CNTN4: variants seen among roughly 807,000 people sequenced by gnomAD.
CNTN4 encodes contactin 4.
Under a neutral mutation model 122.5 loss-of-function variants are expected in CNTN4, and 77 were observed. The observed-to-expected ratio is 0.63, with a 90% CI of 0.52 to 0.76. The LOEUF is 0.76. CNTN4 is among the 30% of genes least tolerant of loss of function. CNTN4 has a pLI of 0.00. For synonymous variants in CNTN4, 512 were observed against 447.0 expected (o/e 1.15, Z -1.83); for missense variants, 1,256 against 1,259.1 (o/e 1.00, Z 0.04).
chr3:2,862,163 G>A (rs115234879), intron 7 of CNTN4, among the ~76,000 whole-genome samples: 237 of 152,320 alleles, frequency 1.6e-3, no homozygotes, highest in Middle Eastern at 6.8e-3. Flanking sequence ...TTTGAAAACT[G>A]ACATCTTTGC....
chr3:2,274,142 C>T (rs1468949741), intron 2 of CNTN4, among the ~76,000 whole-genome samples: 2 of 151,966 alleles, frequency 1.3e-5, no homozygotes, highest in African/African-American at 2.4e-5. Flanking sequence ...CAGCACTTTG[C>T]GAGGCCGAGG....
At chr3:2,612,582 C>T (rs1214131999) in intron 4 of CNTN4, among the ~76,000 whole-genome samples, 3 of 151,876 alleles carry the variant, frequency 2.0e-5, no homozygotes, top group African/African-American at 4.8e-5. Flanking sequence ...CATTATTATC[C>T]CTATGAGAAT....
intron 2 of CNTN4, among the ~76,000 whole-genome samples, chr3:2,121,553 A>G (rs951850191): frequency 5.3e-5 from 8 of 151,940 alleles, no homozygotes; most frequent in African/African-American, 1.7e-4. Context: ...CTCCAGTCCT[A>G]TAGAATTGTA....
At chr3:2,756,925 G>A (rs1342129711) in intron 6 of CNTN4, among the ~76,000 whole-genome samples, 2 of 152,062 alleles carry the variant, frequency 1.3e-5, no homozygotes, top group East Asian at 3.9e-4. Context: ...TCAATCTGTG[G>A]TAACTTGTTT....
At chr3:2,404,091 T>C (rs1216313357) in intron 3 of CNTN4, among the ~76,000 whole-genome samples, 1 of 152,182 alleles carries the variant, frequency 6.6e-6, no homozygotes, top group Non-Finnish European at 1.5e-5. Context: ...TGAAAAGAAT[T>C]GTTTCATTTC....
At chr3:3,006,156 A>G (rs139060260) in intron 14 of CNTN4, among the ~76,000 whole-genome samples, 1,761 of 152,190 alleles carry the variant, frequency 0.012, 11 homozygotes, top group South Asian at 0.032. Context: ...GATTACAGGC[A>G]TGAGCCACCG....
At chr3:2,275,837 G>A (rs943452518) in intron 2 of CNTN4, among the ~76,000 whole-genome samples, 10 of 148,878 alleles carry the variant, frequency 6.7e-5, no homozygotes, top group African/African-American at 2.5e-4. Flanking sequence ...GGAGAATCAC[G>A]TGAACCTGGG....
intron 4 of CNTN4, among the ~76,000 whole-genome samples, chr3:2,626,812 T>A (rs929771785): frequency 5.9e-5 from 9 of 152,212 alleles, no homozygotes; most frequent in Admixed American, 3.9e-4. Flanking sequence ...CTGTACTAGA[T>A]GCTAGAGATA....
At chr3:2,862,837 G>A (rs1275337241) in intron 7 of CNTN4, among the ~76,000 whole-genome samples, 1 of 152,086 alleles carries the variant, frequency 6.6e-6, no homozygotes, top group African/African-American at 2.4e-5. Flanking sequence ...GTTTTGCTCT[G>A]ATAAAAACAG....
At chr3:2,846,103 C>G (rs74581246) in intron 7 of CNTN4, among the ~76,000 whole-genome samples, 12,201 of 152,146 alleles carry the variant, frequency 0.08, 554 homozygotes, top group Non-Finnish European at 0.1. Context: ...TTTTACAATG[C>G]TAATAAGATT....
At chr3:2,557,552 C>G (rs1274329659) in intron 3 of CNTN4, among the ~76,000 whole-genome samples, 1 of 151,960 alleles carries the variant, frequency 6.6e-6, no homozygotes, top group Non-Finnish European at 1.5e-5. Context: ...ACGGTGAAAC[C>G]CCATCTCTAC....
In CNTN4 at chr3:2,723,234, C is replaced by T. The variant is rs565672986; in HGVS notation, c.56-12981C>T. Among the ~76,000 whole-genome samples the T allele has an allele frequency of 1.1e-3, 172 of 152,222 alleles. No individual in the cohort carries two copies. The Middle Eastern group carries it at 0.014, about 12-fold the overall frequency. ...TGGTGAGAGCTCCATCACTGCGTAT[C>T]TGTGTGACTTTGGATACACCACCTA... On this transcript the variant is annotated intron_variant, in intron 4 of 24. Transcript: ENST00000418658.
chr3:2,160,375 T>C (rs77409271), intron 2 of CNTN4, among the ~76,000 whole-genome samples: 35,271 of 152,064 alleles, frequency 0.23, 4,854 homozygotes, highest in Non-Finnish European at 0.33. Flanking sequence ...TTAAGAGGTA[T>C]AAGGATCCAG....
In CNTN4 at chr3:3,030,976, G is replaced by T; in HGVS notation, c.1783+1G>T. 1 of 1,614,004 alleles carries T rather than the reference G, an allele frequency of 6.2e-7. No individual in the cohort carries two copies. On this transcript the variant is annotated splice_donor_variant, in intron 16 of 24. Transcript: ENST00000418658. LOFTEE classifies it high-confidence loss of function. ...GCTGCTGCAGACCTGATTGTAAGAGGTACTGGATTTTGTTGTTATTGTTGT... is the reference window on the plus strand; with the variant it reads ...GCTGCTGCAGACCTGATTGTAAGAGTTACTGGATTTTGTTGTTATTGTTGT...
At chr3:2,362,519 T>C in intron 3 of CNTN4, 2 of 586,564 alleles carry the variant, frequency 3.4e-6, no homozygotes, top group Non-Finnish European at 6.4e-6. Flanking sequence ...CCTGTGCACT[T>C]TCTGGTCATT....
chr3:2,832,987 T>C (rs1368484488), intron 7 of CNTN4, among the ~76,000 whole-genome samples: 1 of 152,156 alleles, frequency 6.6e-6, no homozygotes, highest in Non-Finnish European at 1.5e-5. Context: ...TACACTATCA[T>C]GATGACTTGA....
At chr3:2,538,371 C>T (rs1559207284) in intron 3 of CNTN4, among the ~76,000 whole-genome samples, 1 of 152,088 alleles carries the variant, frequency 6.6e-6, no homozygotes, top group Admixed American at 6.6e-5. Context: ...ATGGAGTAAA[C>T]TCTGGGATTA....
chr3:2,705,657 T>A (rs1484393803), intron 4 of CNTN4, among the ~76,000 whole-genome samples: 1 of 86,280 alleles, frequency 1.2e-5, no homozygotes, highest in Non-Finnish European at 2.0e-5. Context: ...AAAAAGTATA[T>A]TATATATATT....
chr3:2,978,480 C>A (rs889455270), intron 13 of CNTN4, among the ~76,000 whole-genome samples: 7 of 152,256 alleles, frequency 4.6e-5, no homozygotes, highest in Admixed American at 3.9e-4. Flanking sequence ...CCCGTCTCCT[C>A]CAGCCTATTG....
Sources: gnomAD v4.1 joint callset for allele counts (sites outside exome capture counted in the v4.1 genomes callset) on GRCh38, gnomAD v4.1.1 for gene constraint, MANE v1.5 for transcripts, NCBI Gene and HGNC (gene_info 2026-07-23, HGNC 2026-07-21) for gene names.